PTCH1: variants seen among roughly 807,000 people sequenced by gnomAD.
The protein encoded by PTCH1 is protein patched homolog 1.
Under a neutral mutation model 144.6 loss-of-function variants are expected in PTCH1, and 14 were observed. The observed-to-expected ratio is 0.10, with a 90% CI of 0.06 to 0.15. The LOEUF (loss-of-function observed/expected upper bound fraction) is 0.15. Among genes scored for constraint, PTCH1 ranks in the 10% least tolerant of loss-of-function variants. The pLI is 1.00. For missense variants in PTCH1, 1,623 were observed against 1,948.3 expected, an observed-to-expected ratio of 0.83 and a Z score of 3.14; for synonymous variants, 833 against 793.6, an observed-to-expected ratio of 1.05 and a Z score of -0.83.
intron 12 of PTCH1, 145 bp downstream of exon 12, chr9:95,475,889 A>G: frequency 3.9e-6 from 5 of 1,295,226 alleles, no homozygotes; most frequent in Non-Finnish European, 5.4e-6. Context: ...AGCAGCATCC[A>G]CCCAGTTAAA....
chr9:95,505,256 C>CT (rs1843479060), intron 2 of PTCH1, among the ~76,000 whole-genome samples: 1 of 152,196 alleles, frequency 6.6e-6, no homozygotes, highest in South Asian at 2.1e-4. Context: ...GCGCATAACT[C>CT]TTCAGCTTCC....
In PTCH1 at chr9:95,507,905, TACACACAC is replaced by T. The variant is rs139956254; in HGVS notation, c.201+248_201+255del. On this transcript the variant is annotated intron_variant, in intron 1 of 23. Transcript: ENST00000331920. Reference sequence around the variant, plus strand: ...AGGCACACCAGGGAGGGCGTGTGTATACACACACACACACGCACACACACACACCTCCA... The same window carrying T: ...AGGCACACCAGGGAGGGCGTGTGTATACACACGCACACACACACACCTCCA... The T allele has an allele frequency of 1.7e-5, 22 of 1,286,330 alleles. No individual in the cohort carries two copies. In the East Asian group the frequency reaches 3.3e-4, roughly 19 times the overall value. The allele number at this position is 1,286,330 out of a possible 1,614,324, so 79.7% of individuals were successfully genotyped here.
intron 2 of PTCH1, among the ~76,000 whole-genome samples, chr9:95,499,963 C>G (rs148942754): frequency 5.3e-4 from 80 of 151,636 alleles, no homozygotes; most frequent in African/African-American, 1.9e-3. Flanking sequence ...TCAGCTTGCC[C>G]GAGTTTCAGC....
intron 2 of PTCH1, chr9:95,503,302 C>G (rs1212823127): frequency 6.6e-6 from 1 of 152,228 alleles, no homozygotes; most frequent in Non-Finnish European, 1.5e-5. Flanking sequence ...TTACTCACTT[C>G]AATTCACGGA....
upstream of PTCH1, among the ~76,000 whole-genome samples, chr9:95,510,106 A>C (rs1432193589): frequency 1.3e-5 from 2 of 150,036 alleles, no homozygotes; most frequent in African/African-American, 4.9e-5. Context: ...TTTTTATTTG[A>C]ATCTCGAATG....
chr9:95,503,592 G>A (rs986887653), intron 2 of PTCH1, among the ~76,000 whole-genome samples: 1 of 152,206 alleles, frequency 6.6e-6, no homozygotes, highest in Non-Finnish European at 1.5e-5. Context: ...CAAGGACAGG[G>A]CAACAGAACA....
chr9:95,508,615 G>C lies in PTCH1; in HGVS notation c.-254C>G. On this transcript the variant is annotated 5_prime_UTR_variant, in exon 1 of 24. Coordinates refer to ENST00000331920, the MANE Select transcript of PTCH1 (RefSeq NM_000264.5). The stretch of plus-strand genomic sequence containing the variant: ...CCTGCGCCTTCCATTGCCACATTGC[G>C]CGGGGGTCCCGAGGTCTCTGCGGCC... 1 of 992,950 alleles carries C rather than the reference G, an allele frequency of 1.0e-6. No homozygotes were observed. Among genetic ancestry groups the C allele is most frequent in the African/African-American group, 1.7e-5 (1 of 57,336 alleles). The allele number at this position is 992,950 out of a possible 1,614,324, so 61.5% of individuals were successfully genotyped here.
At position 95,449,758 on chromosome 9, in the gene PTCH1, C is replaced by T; in HGVS notation, c.3549+83G>A. 7.8e-7 allele frequency: 1 copy of T among 1,278,858 alleles called. No homozygotes were observed. Among genetic ancestry groups the T allele is most frequent in the Non-Finnish European group, 1.1e-6 (1 of 886,734 alleles). 79.2% of individuals were successfully genotyped at this position (1,278,858 alleles called of 1,614,324 possible). The stretch of plus-strand genomic sequence containing the variant: ...AGAACCACCAGCAAGTGGGGAGGCA[C>T]CTAAGTATCGAAGTGAAGAGCGGCA... On this transcript the variant is annotated intron_variant, in intron 21 of 23. Transcript: ENST00000331920. The surrounding 1 kb of genome is among the most constrained non-coding windows in gnomAD (Gnocchi z 5.3).
chr9:95,471,992 G>A (rs1335876570), intron 12 of PTCH1, among the ~76,000 whole-genome samples: 1 of 152,202 alleles, frequency 6.6e-6, no homozygotes, highest in Non-Finnish European at 1.5e-5. Flanking sequence ...AGCCGAGATC[G>A]CACCATTGCA....
At position 95,490,520 on chromosome 9, in the gene PTCH1, G is replaced by GACACACACACAC. The variant is rs35550307; in HGVS notation, c.395-4658_395-4647dup. On this transcript the variant is annotated intron_variant, in intron 2 of 23. Transcript: ENST00000331920. ...CCCAGAAAAACAAAACCTTCTATGT[G>GACACACACACAC]ACACACACACACACACACACACACA... is the stretch of plus-strand genomic sequence containing the variant. 3.7e-3 allele frequency among the ~76,000 whole-genome samples: 518 copies of GACACACACACAC among 140,358 alleles called. 2 individuals carry two copies. The highest frequency in any genetic ancestry group is 5.3e-3 in the Non-Finnish European group (340 of 64,448). The allele number at this position is 140,358 out of a possible 152,430, so 92.1% of individuals were successfully genotyped here.
At chr9:95,490,476 A>T (rs1588632273) in intron 2 of PTCH1, among the ~76,000 whole-genome samples, 1 of 151,426 alleles carries the variant, frequency 6.6e-6, no homozygotes, top group East Asian at 2.0e-4. Flanking sequence ...ATGAGACCCC[A>T]CTTCAAAACA....
chr9:95,480,636 G>A (rs1057014536), intron 5 of PTCH1, 48 bp from the exon 6 acceptor site: 19 of 1,566,196 alleles, frequency 1.2e-5, no homozygotes, highest in African/African-American at 4.1e-5. Flanking sequence ...CCTTCTAAAC[G>A]CATCGTAAAG....
At chr9:95,501,832 C>A (rs2118808215) in intron 2 of PTCH1, among the ~76,000 whole-genome samples, 1 of 152,244 alleles carries the variant, frequency 6.6e-6, no homozygotes, top group East Asian at 1.9e-4. Flanking sequence ...GTTAAAACTG[C>A]TTAACAAAAA....
At chr9:95,470,057 G>A (rs1007739818) in intron 12 of PTCH1, 126 bp from the exon 13 acceptor site, 26 of 761,654 alleles carry the variant, frequency 3.4e-5, no homozygotes, top group African/African-American at 8.6e-5. Context: ...ATTTGAAACC[G>A]TGACAGATGT....
intron 1 of PTCH1, chr9:95,516,407 C>T: frequency 7.8e-7 from 1 of 1,277,578 alleles, no homozygotes; most frequent in Non-Finnish European, 9.9e-7. Context: ...CCCCGCGCCG[C>T]CCGAGGAGCA....
At chr9:95,479,867 T>G in intron 7 of PTCH1, 102 bp downstream of exon 7, 1 of 1,570,408 alleles carries the variant, frequency 6.4e-7, no homozygotes, top group African/African-American at 1.4e-5. Context: ...GATAACGGTT[T>G]AAGTATTAAT....
In PTCH1 at chr9:95,469,139, C is replaced by T. The variant is rs751536947; in HGVS notation, c.1862G>A (p.Arg621Lys). ...GGCCTGAGGTTCAACCTGAATCACT[C>T]TGCTGACGCAGGGGCTGAAAGGAGG... ...FCCFTSPCVS[R>K]VIQVEPQAYT... The change falls in exon 14 of 24, where the codon AGA becomes AAA. Residue 621 changes from arginine (R) to lysine (K), a missense_variant. Coordinates refer to ENST00000331920, the MANE Select transcript of PTCH1 (RefSeq NM_000264.5). The T allele has an allele frequency of 6.2e-7, 1 of 1,614,092 alleles. No homozygotes were observed. The highest frequency in any genetic ancestry group is 1.3e-5 in the African/African-American group (1 of 75,036).
chr9:95,468,994 G>A lies in PTCH1; in HGVS notation c.2007C>T (p.Asp669=), dbSNP rs2118046380. 1.2e-6 allele frequency: 2 copies of A among 1,614,070 alleles called. No individual in the cohort carries two copies. The highest frequency in any genetic ancestry group is 2.2e-5 in the East Asian group (1 of 44,876). ...QSTVQLRTEY[D]PHTHVYYTTA... is the part of the protein sequence containing the mutation. ...TGGTGTAGTACACGTGCGTGTGGGG[G>A]TCGTACTCCGTGCGGAGCTGGACAG... Residue 669 remains aspartate, a synonymous_variant, in exon 14 of 24, where the codon GAC becomes GAT. Coordinates refer to ENST00000331920, the MANE Select transcript of PTCH1 (RefSeq NM_000264.5).
chr9:95,455,554 T>C (rs1838838119), intron 19 of PTCH1, among the ~76,000 whole-genome samples: 3 of 152,280 alleles, frequency 2.0e-5, no homozygotes, highest in Admixed American at 2.0e-4. Flanking sequence ...GATAAATGTA[T>C]ACAACAGATT....
Sources: allele counts gnomAD v4.1 joint callset (sites outside exome capture counted in the v4.1 genomes callset), GRCh38; gene constraint gnomAD v4.1.1; non-coding constraint Gnocchi (gnomAD v3.1); transcripts MANE v1.5; gene names NCBI Gene and HGNC (gene_info 2026-07-23, HGNC 2026-07-21).